The following TENM2 variants were observed in gnomAD, a reference collection of about 807,000 sequenced individuals.
TENM2 encodes teneurin-2.
Under a neutral mutation model 245.2 loss-of-function variants are expected in TENM2, and 52 were observed. The ratio of observed to expected loss-of-function variants is 0.21; its 90% confidence interval spans 0.17 to 0.27. The LOEUF (loss-of-function observed/expected upper bound fraction) is 0.27. Among genes scored for constraint, TENM2 ranks in the 10% least tolerant of loss-of-function variants. The probability of loss-of-function intolerance (pLI) is 1.00; values close to 1 mark genes in which losing one functional copy is unlikely to be tolerated. For missense variants in TENM2, 3,046 were observed against 3,666.8 expected (o/e 0.83, Z 4.37); for synonymous variants, 1,363 against 1,438.9 (o/e 0.95, Z 1.19).
chr5:167,523,970 G>C (rs972468813), intron 2 of TENM2, among the ~76,000 whole-genome samples: 2 of 152,150 alleles, frequency 1.3e-5, no homozygotes, highest in Non-Finnish European at 2.9e-5. Context: ...TCTGATCCTT[G>C]AGTATCTTGG....
chr5:167,831,898 C>T (rs1768528458), intron 2 of TENM2, among the ~76,000 whole-genome samples: 1 of 151,684 alleles, frequency 6.6e-6, no homozygotes, highest in Non-Finnish European at 1.5e-5. Context: ...CACATGCAGC[C>T]GTGCAGTTAT....
the TENM2 span, among the ~76,000 whole-genome samples, chr5:167,046,421 C>G: frequency 6.6e-6 from 1 of 152,148 alleles, no homozygotes; most frequent in Admixed American, 6.5e-5. Context: ...CTTAAAGGTA[C>G]AGTGCTTTTT....
In TENM2 at chr5:167,685,384, G is replaced by A. The variant is rs116804917; in HGVS notation, c.503-190602G>A. Among the ~76,000 whole-genome samples the A allele has an allele frequency of 3.6e-3, 542 of 152,214 alleles. 2 individuals are homozygous for A. Among genetic ancestry groups the A allele is most frequent in the African/African-American group, 0.013 (524 of 41,534 alleles). On this transcript the variant is annotated intron_variant, in intron 2 of 28. Transcript: ENST00000518659. ...TTCATAAGCCATCTTGAATCAATCA[G>A]TTAAGCGATATCCTTTTATCCTTTT...
the TENM2 span, among the ~76,000 whole-genome samples, chr5:167,196,450 G>A: frequency 6.7e-6 from 1 of 149,634 alleles, no homozygotes; most frequent in African/African-American, 2.5e-5. Context: ...AAATATATAT[G>A]TGTGTATATA....
intron 2 of TENM2, among the ~76,000 whole-genome samples, chr5:167,559,467 T>C (rs1773455781): frequency 6.6e-6 from 1 of 152,186 alleles, no homozygotes; most frequent in African/African-American, 2.4e-5. Context: ...GCTTTAGGAA[T>C]GTTTATTACA....
At chr5:167,011,707 G>A in the TENM2 span, among the ~76,000 whole-genome samples, 1 of 152,202 alleles carries the variant, frequency 6.6e-6, no homozygotes, top group African/African-American at 2.4e-5. Flanking sequence ...GGGAGGTAGA[G>A]GCTTTGTCCC....
rs1241109444 is a variant in TENM2, at chr5:168,247,971, C to T, written c.7032C>T (p.Thr2344=). Residue 2344 remains threonine, a synonymous_variant, in exon 27 of 29, where the codon ACC becomes ACT. Transcript: ENST00000518659. This position sits in a 1 kb window ranked among gnomAD's most constrained non-coding sequence, Gnocchi z 7.8. ...ACAATCACTCCAACTCGGAGATTAC[C>T]TCACTGTACTACGACCTCCAGGGCC... 2 of 1,613,972 alleles carry T rather than the reference C, an allele frequency of 1.2e-6. No homozygotes were observed. Among genetic ancestry groups the T allele is most frequent in the East Asian group, 2.2e-5 (1 of 44,880 alleles).
chr5:167,927,382 A>C (rs2151674735), intron 3 of TENM2, among the ~76,000 whole-genome samples: 1 of 152,282 alleles, frequency 6.6e-6, no homozygotes, highest in East Asian at 1.9e-4. Flanking sequence ...GCCTGTGAGC[A>C]TCTTGGCCAC....
At chr5:168,122,377 C>G (rs57005148) in intron 10 of TENM2, among the ~76,000 whole-genome samples, 1 of 151,906 alleles carries the variant, frequency 6.6e-6, no homozygotes, top group Non-Finnish European at 1.5e-5. Flanking sequence ...AGAGTTTCAC[C>G]GTGTTAGCCA....
At chr5:167,997,478 G>A (rs1784140584) in intron 5 of TENM2, among the ~76,000 whole-genome samples, 1 of 152,146 alleles carries the variant, frequency 6.6e-6, no homozygotes, top group South Asian at 2.1e-4. Flanking sequence ...CTTTCCAGTT[G>A]TCTTGTGTTA....
At position 168,244,766 on chromosome 5, in the gene TENM2, A is replaced by G. The variant is rs755888191; in HGVS notation, c.5817+50A>G. The stretch of plus-strand genomic sequence containing the variant: ...GCAAGGGCTTTCTGTTATTTCTGTT[A>G]TTCCGGCTTCTTTTTTTTTTTGAGA... On this transcript the variant is annotated intron_variant, in intron 26 of 28. Transcript: ENST00000518659. The surrounding 1 kb of genome is among the most constrained non-coding windows in gnomAD (Gnocchi z 4.9). 2.2e-5 allele frequency: 29 copies of G among 1,345,712 alleles called. No individual in the cohort carries two copies. The highest frequency in any genetic ancestry group is 1.9e-6 in the Non-Finnish European group (2 of 1,031,268). The allele number at this position is 1,345,712 out of a possible 1,614,324, so 83.4% of individuals were successfully genotyped here. A position where few individuals can be genotyped will look rare whatever the true frequency, so the allele number is the denominator to read the frequency against.
intron 23 of TENM2, among the ~76,000 whole-genome samples, chr5:168,222,598 G>A (rs943991127): frequency 6.6e-6 from 1 of 152,198 alleles, no homozygotes; most frequent in African/African-American, 2.4e-5. Context: ...GGCAGAAATA[G>A]AGCTGATACA....
chr5:167,196,514 GTGTA>G, the TENM2 span, among the ~76,000 whole-genome samples: 19 of 147,344 alleles, frequency 1.3e-4, no homozygotes, highest in African/African-American at 4.7e-4. Flanking sequence ...ATATATGTGT[GTGTA>G]TATATATATG....
At chr5:167,379,495 G>A (rs576247989) in intron 2 of TENM2, among the ~76,000 whole-genome samples, 12 of 152,178 alleles carry the variant, frequency 7.9e-5, no homozygotes, top group Admixed American at 2.6e-4. Context: ...TCCAGAAAGC[G>A]GCCTCTCAAT....
At chr5:167,027,996 A>G in the TENM2 span, among the ~76,000 whole-genome samples, 3 of 146,616 alleles carry the variant, frequency 2.0e-5, no homozygotes, top group Non-Finnish European at 4.5e-5. Flanking sequence ...GCTTGAGCCT[A>G]GAGGCAGAGG....
At chr5:167,070,284 A>ATTTTTTT in the TENM2 span, among the ~76,000 whole-genome samples, 23 of 99,342 alleles carry the variant, frequency 2.3e-4, no homozygotes, top group African/African-American at 9.3e-4. Context: ...CGCCCGGCTA[A>ATTTTTTT]TTTTTTTTTT....
chr5:167,691,803 C>T (rs553874178), intron 2 of TENM2, among the ~76,000 whole-genome samples: 3 of 152,194 alleles, frequency 2.0e-5, no homozygotes, highest in Admixed American at 6.5e-5. Context: ...AGGGGGATCT[C>T]GCTGGCAGGG....
intron 2 of TENM2, among the ~76,000 whole-genome samples, chr5:167,789,721 T>G (rs760701333): frequency 2.6e-5 from 4 of 152,220 alleles, no homozygotes; most frequent in Non-Finnish European, 4.4e-5. Flanking sequence ...AACAATATTC[T>G]TTGGTACTAA....
intron 2 of TENM2, among the ~76,000 whole-genome samples, chr5:167,455,163 G>A (rs997886125): frequency 1.3e-5 from 2 of 152,090 alleles, no homozygotes. Flanking sequence ...ACTCATTAAT[G>A]TTTAATTCTT....
Sources: allele counts gnomAD v4.1 joint callset (sites outside exome capture counted in the v4.1 genomes callset), GRCh38; gene constraint gnomAD v4.1.1; non-coding constraint Gnocchi (gnomAD v3.1); transcripts MANE v1.5; gene names NCBI Gene and HGNC (gene_info 2026-07-23, HGNC 2026-07-21).